ABCB11: variants seen among roughly 807,000 people sequenced by gnomAD.
ABCB11 encodes the protein bile salt export pump.
A neutral mutation model predicts 148.0 loss-of-function variants in ABCB11; 95 were observed. The observed-to-expected ratio is 0.64, with a 90% CI of 0.54 to 0.76. ABCB11 has a LOEUF of 0.76. Among genes scored for constraint, ABCB11 ranks in the 30% least tolerant of loss-of-function variants. The probability of loss-of-function intolerance (pLI) is 0.00; values close to 1 mark genes in which losing one functional copy is unlikely to be tolerated. For synonymous variants in ABCB11, 591 were observed against 555.4 expected (o/e 1.06, Z -0.90); for missense variants, 1,523 against 1,617.8 (o/e 0.94, Z 1.01).
chr2:168,958,072 C>T lies in ABCB11; in HGVS notation c.2235G>A (p.Leu745=), dbSNP rs1397040247. The part of the protein sequence containing the change: ...EVEPAPVRRI[L]KFSAPEWPYM... ...AGGGCCATTCTGGAGCACTGAATTT[C>T]AGAATCCTCCTAACTGGGGCAGGTT... Residue 745 remains leucine (L), a synonymous_variant, in exon 19 of 28, where the codon CTG becomes CTA. Transcript: ENST00000650372. 3 of 1,611,458 alleles carry T rather than the reference C, an allele frequency of 1.9e-6. No individual in the cohort carries two copies. The highest frequency in any genetic ancestry group is 2.5e-6 in the Non-Finnish European group (3 of 1,178,308).
At chr2:168,940,270 A>T (rs893442006) in intron 21 of ABCB11, among the ~76,000 whole-genome samples, 1 of 151,974 alleles carries the variant, frequency 6.6e-6, no homozygotes, top group Non-Finnish European at 1.5e-5. Context: ...GGACTAAATA[A>T]ATAGTCAAGC....
At chr2:168,928,489 A>C (rs1004832515) in intron 25 of ABCB11, among the ~76,000 whole-genome samples, 3 of 152,186 alleles carry the variant, frequency 2.0e-5, no homozygotes, top group Non-Finnish European at 2.9e-5. Context: ...AAAAAGTGGT[A>C]GGTTTTCTGC....
At chr2:168,916,691 T>C (rs1690947222), downstream of ABCB11, among the ~76,000 whole-genome samples, 1 of 152,368 alleles carries the variant, frequency 6.6e-6, no homozygotes, top group East Asian at 1.9e-4. Context: ...GATCATTTAC[T>C]TGATCTGTAA....
chr2:168,939,074 CAA>C (rs1194111457), intron 21 of ABCB11, among the ~76,000 whole-genome samples: 1 of 124,562 alleles, frequency 8.0e-6, no homozygotes, highest in Non-Finnish European at 1.8e-5. Context: ...ATAATTGATT[CAA>C]CTCTTTTTCT....
chr2:168,979,672 CAAAA>C lies in ABCB11; in HGVS notation c.1197+190_1197+193del, dbSNP rs55859131. Among the ~76,000 whole-genome samples the C allele has an allele frequency of 0.029, 2,916 of 99,502 alleles. 38 individuals carry two copies. Among genetic ancestry groups the C allele is most frequent in the African/African-American group, 0.11 (2,727 of 25,704 alleles). The allele number at this position is 99,502 out of a possible 152,430, so 65.3% of individuals were successfully genotyped here. A position where few individuals can be genotyped will look rare whatever the true frequency, so the allele number is the denominator to read the frequency against. On this transcript the variant is annotated intron_variant, in intron 11 of 27. Transcript: ENST00000650372. The stretch of plus-strand genomic sequence containing the variant: ...GGGCAACAAGAGCGAAACTCCATCT[CAAAA>C]AAAAAAAAAAAAAAAAAAAAAAAGA...
intron 5 of ABCB11, among the ~76,000 whole-genome samples, chr2:169,001,385 G>C (rs1315308734): frequency 1.3e-5 from 2 of 152,112 alleles, no homozygotes; most frequent in Non-Finnish European, 2.9e-5. Flanking sequence ...AAATTCTCTT[G>C]ATTTATTTCA....
At chr2:168,967,830 C>T (rs567670677) in intron 17 of ABCB11, among the ~76,000 whole-genome samples, 28 of 151,870 alleles carry the variant, frequency 1.8e-4, no homozygotes, top group African/African-American at 6.5e-4. Flanking sequence ...AGTGTGTAGT[C>T]TCACTAATAG....
chr2:168,970,892 A>G (rs9287907), intron 14 of ABCB11, among the ~76,000 whole-genome samples: 86,973 of 151,854 alleles, frequency 0.57, 25,178 homozygotes, highest in East Asian at 0.75. Flanking sequence ...ACTGGGCCCA[A>G]AGTAACTTGA....
At chr2:168,939,346 GCTTA>G (rs970413647) in intron 21 of ABCB11, among the ~76,000 whole-genome samples, 3 of 151,926 alleles carry the variant, frequency 2.0e-5, no homozygotes, top group Admixed American at 6.6e-5. Flanking sequence ...CAAAACATTT[GCTTA>G]CTATTATTTA....
chr2:168,924,777 C>T lies in ABCB11; in HGVS notation c.3645G>A (p.Gln1215=). Reference sequence around the variant, plus strand: ...TCTCCCCTCTAGAGAGTTGAGACCCCTGGGACCCAACGTTAGTTTCATATT... The same window carrying T: ...TCTCCCCTCTAGAGAGTTGAGACCCTTGGGACCCAACGTTAGTTTCATATT... ...PEKYETNVGS[Q]GSQLSRGEKQ... The change falls in exon 27 of 28, where the codon CAG becomes CAA. Residue 1215 remains glutamine (Q), a synonymous_variant. Transcript: ENST00000650372. The T allele has an allele frequency of 6.2e-7, 1 of 1,609,776 alleles. No individual in the cohort carries two copies.
At chr2:169,009,453 T>C (rs1449750975) in intron 5 of ABCB11, among the ~76,000 whole-genome samples, 1 of 151,744 alleles carries the variant, frequency 6.6e-6, no homozygotes, top group Non-Finnish European at 1.5e-5. Flanking sequence ...CTGGAAACCA[T>C]CATTCTCAGC....
At chr2:168,969,279 T>A (rs1005560998) in intron 16 of ABCB11, 71 bp downstream of exon 16, 25 of 1,395,414 alleles carry the variant, frequency 1.8e-5, no homozygotes, top group Middle Eastern at 3.6e-4. Context: ...TTGAAATACA[T>A]AGAAAACCGT....
chr2:168,957,357 G>T (rs188575513), intron 19 of ABCB11, among the ~76,000 whole-genome samples: 2 of 151,738 alleles, frequency 1.3e-5, no homozygotes, highest in Admixed American at 6.6e-5. Context: ...CTTAGATATT[G>T]CCTGATACAT....
rs201800225 is a variant in ABCB11, at chr2:168,964,259, C to T, written c.2125G>A (p.Glu709Lys). ...TGATCTACAACAGCTAATGGAGGTTCGTGCACCAGGTAAGAAAGCTGAGAC... is the reference window on the plus strand; with the variant it reads ...TGATCTACAACAGCTAATGGAGGTTTGTGCACCAGGTAAGAAAGCTGAGAC... The part of the protein sequence containing the change: ...SKSQLSYLVH[E>K]PPLAVVDHKS... The change falls in exon 18 of 28, where the codon GAA becomes AAA. Residue 709 changes from glutamate to lysine, a missense_variant. Physicochemically the swap from Glu to Lys is moderately conservative, Grantham distance 56 (BLOSUM62 1). Coordinates refer to ENST00000650372, the MANE Select transcript of ABCB11 (RefSeq NM_003742.4). 1.3e-4 allele frequency: 197 copies of T among 1,570,854 alleles called. No individual in the cohort carries two copies. The highest frequency in any genetic ancestry group is 4.4e-4 in the Admixed American group (24 of 53,958).
rs1259139343 is a variant in ABCB11 at position 168,970,409 on chromosome 2, T to C, written c.1639-194A>G. On this transcript the variant is annotated intron_variant, in intron 14 of 27. Transcript: ENST00000650372. ...AATATTTATGTGTGAAATAAAGGAATTGATTTATGCTTTTATTCCAGGGTT... is the reference window on the plus strand; with the variant it reads ...AATATTTATGTGTGAAATAAAGGAACTGATTTATGCTTTTATTCCAGGGTT... 6 of 1,431,848 alleles carry C rather than the reference T, an allele frequency of 4.2e-6. No homozygotes were observed. The African/African-American group carries it at 5.7e-5, about 14-fold the overall frequency. The allele number at this position is 1,431,848 out of a possible 1,614,324, so 88.7% of individuals were successfully genotyped here.
intron 1 of ABCB11, among the ~76,000 whole-genome samples, chr2:169,022,401 T>G (rs1413305507): frequency 1.3e-5 from 2 of 151,982 alleles, no homozygotes; most frequent in Non-Finnish European, 2.9e-5. Flanking sequence ...AAATAAAGTT[T>G]TAAATCATAA....
At chr2:168,932,620 G>C in intron 23 of ABCB11, 87 bp from the exon 24 acceptor site, 1 of 1,484,174 alleles carries the variant, frequency 6.7e-7, no homozygotes. Flanking sequence ...ATCTAGCCCT[G>C]GTTCTGCCAG....
At chr2:168,981,279 A>G (rs1012099497) in intron 10 of ABCB11, among the ~76,000 whole-genome samples, 2 of 152,104 alleles carry the variant, frequency 1.3e-5, no homozygotes, top group African/African-American at 4.8e-5. Flanking sequence ...GGGCTGCCAT[A>G]CATGGGTGGT....
intron 19 of ABCB11, among the ~76,000 whole-genome samples, chr2:168,955,935 G>A (rs111526395): frequency 0.014 from 2,143 of 151,802 alleles, 47 homozygotes; most frequent in African/African-American, 0.048. Context: ...CAGCATGGCA[G>A]TCGTTAAATC....
Sources: allele counts gnomAD v4.1 joint callset (sites outside exome capture counted in the v4.1 genomes callset), GRCh38; gene constraint gnomAD v4.1.1; transcripts MANE v1.5; gene names NCBI Gene and HGNC (gene_info 2026-07-23, HGNC 2026-07-21).